KATNAL1: variants seen among roughly 807,000 people sequenced by gnomAD.
KATNAL1 encodes the protein katanin catalytic subunit A1 like 1, also known as katanin p60 ATPase-containing subunit A-like 1.
A neutral mutation model predicts 55.2 loss-of-function variants in KATNAL1; 32 were observed. The observed-to-expected ratio is 0.58, with a 90% confidence interval of 0.44 to 0.78. The LOEUF is 0.78. Ranked by LOEUF, KATNAL1 falls within the 30% of genes least tolerant of loss-of-function variation. The pLI is 0.00. For synonymous variants in KATNAL1, 193 were observed against 193.6 expected, an observed-to-expected ratio of 1.00 and a Z score of 0.02; for missense variants, 466 against 600.9, an observed-to-expected ratio of 0.78 and a Z score of 2.35.
intron 3 of KATNAL1, among the ~76,000 whole-genome samples, chr13:30,271,510 T>G (rs116833008): frequency 0.05 from 7,505 of 151,358 alleles, 243 homozygotes; most frequent in Middle Eastern, 0.095. Context: ...GGTTGGGGGG[T>G]GCGGGCGGAA....
chr13:30,238,167 C>T (rs1876880887), intron 6 of KATNAL1, among the ~76,000 whole-genome samples: 1 of 152,314 alleles, frequency 6.6e-6, no homozygotes, highest in South Asian at 2.1e-4. Context: ...AAGAATCGAA[C>T]TCCTGGGAAA....
rs868185030 is a variant in KATNAL1, at chr13:30,259,206, G to A, written c.324-3591C>T. Among the ~76,000 whole-genome samples, 30 of 152,242 alleles carry A rather than the reference G, an allele frequency of 2.0e-4. 1 individual carries two copies. Among genetic ancestry groups the A allele is most frequent in the South Asian group, 4.2e-4 (2 of 4,818 alleles). On this transcript the variant is annotated intron_variant, in intron 3 of 10. Coordinates refer to ENST00000380615, the MANE Select transcript of KATNAL1 (RefSeq NM_032116.5). ...AATACAAAAATCAGCTGTACATGGC[G>A]GTGGGCACCTGTAATCCCAGCTACT...
intron 6 of KATNAL1, among the ~76,000 whole-genome samples, chr13:30,235,874 T>A (rs1876613755): frequency 6.6e-6 from 1 of 152,146 alleles, no homozygotes; most frequent in African/African-American, 2.4e-5. Flanking sequence ...TTGAATAGCC[T>A]ATTATTGATT....
chr13:30,271,552 C>G (rs772771002), intron 3 of KATNAL1, among the ~76,000 whole-genome samples: 6 of 152,036 alleles, frequency 3.9e-5, no homozygotes, highest in African/African-American at 4.8e-5. Context: ...TTTTTAACAA[C>G]CAGATCTCTT....
chr13:30,280,280 T>C, intron 2 of KATNAL1, 57 bp from the exon 3 acceptor site: 3 of 1,362,628 alleles, frequency 2.2e-6, no homozygotes, highest in Non-Finnish European at 3.0e-6. Flanking sequence ...TCATAAATTG[T>C]AAATAATAAA....
intron 3 of KATNAL1, among the ~76,000 whole-genome samples, chr13:30,268,199 A>G (rs1448958464): frequency 2.6e-5 from 4 of 152,226 alleles, no homozygotes; most frequent in Non-Finnish European, 4.4e-5. Flanking sequence ...AAGCAAACAC[A>G]GATGTCTCAG....
intron 1 of KATNAL1, among the ~76,000 whole-genome samples, chr13:30,299,770 T>A (rs1200865582): frequency 1.3e-5 from 2 of 152,210 alleles, no homozygotes; most frequent in African/African-American, 2.4e-5. Flanking sequence ...ATGCTCCAGA[T>A]AATACCTTCA....
chr13:30,303,912 G>C (rs1000532193), intron 1 of KATNAL1, among the ~76,000 whole-genome samples: 2 of 152,194 alleles, frequency 1.3e-5, no homozygotes, highest in Non-Finnish European at 2.9e-5. Flanking sequence ...GTCAAGTAAA[G>C]TCTAGAACAG....
At chr13:30,248,490 T>C (rs1488665703) in intron 4 of KATNAL1, among the ~76,000 whole-genome samples, 2 of 152,280 alleles carry the variant, frequency 1.3e-5, no homozygotes, top group African/African-American at 2.4e-5. Flanking sequence ...CAGAAAAAGA[T>C]GTTTCTTAAA....
chr13:30,247,714 G>A (rs1877926048), intron 4 of KATNAL1, among the ~76,000 whole-genome samples: 1 of 152,214 alleles, frequency 6.6e-6, no homozygotes, highest in Non-Finnish European at 1.5e-5. Context: ...AGACTATGCA[G>A]AGCCTTGTAG....
chr13:30,234,066 G>A (rs1348178498), intron 6 of KATNAL1, among the ~76,000 whole-genome samples: 1 of 152,152 alleles, frequency 6.6e-6, no homozygotes, highest in Non-Finnish European at 1.5e-5. Flanking sequence ...TAATTTGAAT[G>A]TTCTTAGCAT....
chr13:30,275,918 C>T (rs1472289691), intron 3 of KATNAL1, among the ~76,000 whole-genome samples: 10 of 151,952 alleles, frequency 6.6e-5, no homozygotes, highest in Non-Finnish European at 1.5e-5. Context: ...TAAAGAATAG[C>T]TTATTGAATA....
intron 1 of KATNAL1, among the ~76,000 whole-genome samples, chr13:30,297,313 C>A (rs73163498): frequency 4.6e-5 from 7 of 152,120 alleles, no homozygotes; most frequent in African/African-American, 1.7e-4. Flanking sequence ...TAAGATCCCC[C>A]CACCAATAAA....
chr13:30,209,630 AC>A (rs1873468765), intron 10 of KATNAL1, among the ~76,000 whole-genome samples: 1 of 152,278 alleles, frequency 6.6e-6, no homozygotes, highest in South Asian at 2.1e-4. Context: ...TCCCCAGCTT[AC>A]GCTGATCATT....
intron 9 of KATNAL1, among the ~76,000 whole-genome samples, chr13:30,222,007 C>T (rs759577102): frequency 2.6e-5 from 4 of 152,090 alleles, no homozygotes; most frequent in Middle Eastern, 3.2e-3. Context: ...GGTAAGATTG[C>T]GCCATTGCCC....
chr13:30,265,599 T>C (rs551332587), intron 3 of KATNAL1, among the ~76,000 whole-genome samples: 2 of 151,996 alleles, frequency 1.3e-5, no homozygotes, highest in Non-Finnish European at 2.9e-5. Context: ...ACTTATTAAA[T>C]TTAACTATGC....
At chr13:30,272,191 A>G (rs1023161871) in intron 3 of KATNAL1, among the ~76,000 whole-genome samples, 1 of 152,180 alleles carries the variant, frequency 6.6e-6, no homozygotes, top group African/African-American at 2.4e-5. Flanking sequence ...TGAGGTCAGG[A>G]GTTCGAGATC....
At chr13:30,280,015 A>G (rs773077934) in intron 3 of KATNAL1, 48 bp downstream of exon 3, 11 of 1,504,854 alleles carry the variant, frequency 7.3e-6, no homozygotes, top group Non-Finnish European at 9.0e-6. Context: ...TTCACTGTGA[A>G]CATCAATTAA....
At chr13:30,274,907 G>GCACACA (rs368435407) in intron 3 of KATNAL1, among the ~76,000 whole-genome samples, 2,866 of 105,354 alleles carry the variant, frequency 0.027, 73 homozygotes, top group Middle Eastern at 0.039. Context: ...GCGCGCGCGC[G>GCACACA]CACACACACA....
Sources: gnomAD v4.1 joint callset for allele counts (sites outside exome capture counted in the v4.1 genomes callset) on GRCh38, gnomAD v4.1.1 for gene constraint, MANE v1.5 for transcripts, NCBI Gene and HGNC (gene_info 2026-07-23, HGNC 2026-07-21) for gene names.